Variants in SLC38A6 observed in about 807,000 individuals in gnomAD.
SLC38A6 encodes the protein solute carrier family 38 member 6.
A neutral mutation model predicts 65.0 loss-of-function variants in SLC38A6; 73 were observed. That is an observed-to-expected ratio of 1.12 (90% confidence interval 0.93 to 1.37). The LOEUF (loss-of-function observed/expected upper bound fraction) is 1.37, where lower values mean the gene tolerates loss of function less well. Among genes scored for constraint, SLC38A6 ranks in the 40% most tolerant of loss-of-function variants. The pLI is 0.00. For missense variants in SLC38A6, 561 were observed against 531.1 expected, an observed-to-expected ratio of 1.06 and a Z score of -0.55; for synonymous variants, 183 against 178.8, an observed-to-expected ratio of 1.02 and a Z score of -0.19.
At chr14:60,981,530 C>A (rs2037020402) in intron 1 of SLC38A6, 148 bp downstream of exon 1, 1 of 1,532,894 alleles carries the variant, frequency 6.5e-7, no homozygotes, top group Admixed American at 2.0e-5. Context: ...AAGGCAGCCG[C>A]CGAGATTCAG....
chr14:61,036,213 A>G (rs1345406940), intron 6 of SLC38A6, among the ~76,000 whole-genome samples: 3 of 152,258 alleles, frequency 2.0e-5, no homozygotes, highest in East Asian at 3.9e-4. Context: ...ACACAAATAT[A>G]TGATGTTTAC....
downstream of SLC38A6, among the ~76,000 whole-genome samples, chr14:61,053,842 G>T (rs763179279): frequency 1.3e-5 from 2 of 151,050 alleles, no homozygotes; most frequent in Non-Finnish European, 3.0e-5. Flanking sequence ...AGGCTGTTTG[G>T]TTTTTTTTGC....
chr14:60,993,820 A>G (rs1287816696), intron 3 of SLC38A6, among the ~76,000 whole-genome samples: 1 of 152,256 alleles, frequency 6.6e-6, no homozygotes, highest in Non-Finnish European at 1.5e-5. Flanking sequence ...TATTTCAGGA[A>G]AACCTTTAAT....
At chr14:61,040,908 G>A (rs1159299741) in intron 8 of SLC38A6, among the ~76,000 whole-genome samples, 1 of 152,094 alleles carries the variant, frequency 6.6e-6, no homozygotes, top group African/African-American at 2.4e-5. Flanking sequence ...ATCTAGTAGG[G>A]GAGATAAATT....
chr14:60,984,839 G>C, intron 3 of SLC38A6, 36 bp downstream of exon 3: 1 of 1,578,600 alleles, frequency 6.3e-7, no homozygotes, highest in Non-Finnish European at 8.7e-7. Flanking sequence ...ATTTAATAAA[G>C]GAGTCTCTTG....
chr14:61,061,820 C>T (rs2042851882), intron 15 of SLC38A6, among the ~76,000 whole-genome samples: 1 of 34,868 alleles, frequency 2.9e-5, no homozygotes, highest in Non-Finnish European at 1.9e-4. Flanking sequence ...CATTCGTGTG[C>T]AGGTTTTTTT....
chr14:61,050,493 CTTA>C lies in SLC38A6; in HGVS notation c.926-13_926-11del, dbSNP rs1400684281. The C allele has an allele frequency of 2.7e-6, 4 of 1,458,904 alleles. No individual in the cohort carries two copies. The highest frequency in any genetic ancestry group is 3.7e-6 in the Non-Finnish European group (4 of 1,067,522). The allele number at this position is 1,458,904 out of a possible 1,614,324, so 90.4% of individuals were successfully genotyped here. ...TACCTTAGTACTTTATAATGTGATCCTTATTATTTTATTTACAGACAAAGTGGA... is the reference window on the plus strand; with the variant it reads ...TACCTTAGTACTTTATAATGTGATCCTTATTTTATTTACAGACAAAGTGGA... On this transcript the variant is annotated splice_polypyrimidine_tract_variant and intron_variant, in intron 12 of 15. Transcript: ENST00000267488.
intron 6 of SLC38A6, among the ~76,000 whole-genome samples, chr14:61,033,420 G>A (rs1374332793): frequency 2.0e-5 from 3 of 151,920 alleles, no homozygotes; most frequent in African/African-American, 7.2e-5. Context: ...GAAGTATAAA[G>A]GTTTTTACTC....
chr14:61,009,581 C>T (rs188729535), intron 3 of SLC38A6, among the ~76,000 whole-genome samples: 1 of 151,512 alleles, frequency 6.6e-6, no homozygotes, highest in East Asian at 1.9e-4. Flanking sequence ...CCTTCCTGTG[C>T]CCATGTGTTC....
At chr14:61,072,684 T>C (rs2043270279) in intron 15 of SLC38A6, among the ~76,000 whole-genome samples, 2 of 152,224 alleles carry the variant, frequency 1.3e-5, no homozygotes, top group African/African-American at 4.8e-5. Flanking sequence ...TCCAGTTCCA[T>C]CCATGTTGTT....
Position 60,984,861 on chromosome 14 carries a change from A to G in SLC38A6, c.310+58A>G, listed in dbSNP as rs904963808. ...AAAGGAGTCTCTTGAGTTTGTATCT[A>G]CATATAGAACTGGATGTCTCAAATC... On this transcript the variant is annotated intron_variant, in intron 3 of 15. Transcript: ENST00000267488. 6.8e-6 allele frequency: 10 copies of G among 1,480,514 alleles called. No individual in the cohort carries two copies. In the African/African-American group the frequency reaches 9.7e-5, roughly 14 times the overall value. 91.7% of individuals were successfully genotyped at this position (1,480,514 alleles called of 1,614,324 possible). A position where few individuals can be genotyped will look rare whatever the true frequency, so the allele number is the denominator to read the frequency against.
chr14:61,006,923 C>T (rs973486484), intron 3 of SLC38A6, among the ~76,000 whole-genome samples: 3 of 152,072 alleles, frequency 2.0e-5, no homozygotes, highest in East Asian at 1.9e-4. Flanking sequence ...GGAACCAAGC[C>T]AAATGTCCAA....
intron 12 of SLC38A6, chr14:61,048,408 C>A: frequency 3.8e-6 from 1 of 259,930 alleles, no homozygotes. Flanking sequence ...CTCCTGACTT[C>A]AATGGCATAT....
At chr14:60,984,614 A>G in intron 2 of SLC38A6, 116 bp from the exon 3 acceptor site, 2 of 768,552 alleles carry the variant, frequency 2.6e-6, no homozygotes, top group South Asian at 3.1e-5. Flanking sequence ...TAATTCTGCT[A>G]CTCAGAGATA....
intron 16 of SLC38A6, among the ~76,000 whole-genome samples, chr14:61,079,819 TAA>T (rs1049306925): frequency 6.6e-6 from 1 of 152,168 alleles, no homozygotes; most frequent in African/African-American, 2.4e-5. Flanking sequence ...GTTGATGGTT[TAA>T]GAGTGTGCCC....
At chr14:61,037,363 C>T (rs1179266815) in intron 7 of SLC38A6, among the ~76,000 whole-genome samples, 1 of 152,040 alleles carries the variant, frequency 6.6e-6, no homozygotes, top group African/African-American at 2.4e-5. Context: ...TTTGTCTGCC[C>T]CACTAAAATA....
intron 3 of SLC38A6, among the ~76,000 whole-genome samples, chr14:61,009,716 AT>A (rs2039412986): frequency 6.6e-6 from 1 of 152,048 alleles, no homozygotes; most frequent in Non-Finnish European, 1.5e-5. Flanking sequence ...TGCACTCATC[AT>A]TTTTTATGGC....
intron 3 of SLC38A6, among the ~76,000 whole-genome samples, chr14:60,994,784 A>G (rs1032231454): frequency 3.3e-5 from 5 of 151,442 alleles, no homozygotes; most frequent in African/African-American, 1.2e-4. Flanking sequence ...TGGGCGGATC[A>G]CCTGAGGTCA....
intron 16 of SLC38A6, among the ~76,000 whole-genome samples, chr14:61,081,854 T>C (rs2043664689): frequency 6.6e-6 from 1 of 152,150 alleles, no homozygotes; most frequent in Admixed American, 6.5e-5. Flanking sequence ...TGTCAAACTT[T>C]TAAAAGTCAG....
Sources: gnomAD v4.1 joint callset for allele counts (sites outside exome capture counted in the v4.1 genomes callset) on GRCh38, gnomAD v4.1.1 for gene constraint, MANE v1.5 for transcripts, NCBI Gene and HGNC (gene_info 2026-07-23, HGNC 2026-07-21) for gene names.